TAF3: variants seen among roughly 807,000 people sequenced by gnomAD.
TAF3 encodes the protein TATA-box binding protein associated factor 3, also known as transcription initiation factor TFIID subunit 3.
Under a neutral mutation model 80.6 loss-of-function variants are expected in TAF3, and 7 were observed. The observed-to-expected ratio is 0.09, with a 90% CI of 0.05 to 0.16. The LOEUF (loss-of-function observed/expected upper bound fraction) is 0.16, where lower values mean the gene tolerates loss of function less well. Ranked by LOEUF, TAF3 falls within the 10% of genes least tolerant of loss-of-function variation. The pLI is 1.00. For synonymous variants in TAF3, 444 were observed against 446.1 expected (o/e 1.00, Z 0.06); for missense variants, 921 against 1,140.2 (o/e 0.81, Z 2.77).
At chr10:7,825,842 GT>G (rs35181779) in intron 2 of TAF3, among the ~76,000 whole-genome samples, 12 of 150,790 alleles carry the variant, frequency 8.0e-5, no homozygotes, top group African/African-American at 2.7e-4. Flanking sequence ...GCTTTCAGGT[GT>G]TTTTTTTTGG....
intron 2 of TAF3, among the ~76,000 whole-genome samples, chr10:7,829,721 C>G (rs1005128574): frequency 6.6e-6 from 1 of 152,136 alleles, no homozygotes; most frequent in Non-Finnish European, 1.5e-5. Context: ...TATCTGGTTT[C>G]TTCACAGTAA....
At chr10:7,893,249 G>A (rs937412560) in intron 2 of TAF3, among the ~76,000 whole-genome samples, 3 of 152,126 alleles carry the variant, frequency 2.0e-5, no homozygotes, top group African/African-American at 4.8e-5. Flanking sequence ...ATGATGTAAA[G>A]CCCTAGATTC....
chr10:7,993,962 G>T (rs1308728896), intron 4 of TAF3, among the ~76,000 whole-genome samples: 1 of 142,966 alleles, frequency 7.0e-6, no homozygotes, highest in Non-Finnish European at 1.5e-5. Flanking sequence ...CTCCAGTGAT[G>T]AGCATAGGGT....
intron 3 of TAF3, among the ~76,000 whole-genome samples, chr10:7,972,620 C>T (rs537702746): frequency 2.0e-5 from 3 of 152,312 alleles, no homozygotes; most frequent in African/African-American, 7.2e-5. Flanking sequence ...TACCTGTTGC[C>T]TTCCGGGCAC....
At chr10:7,894,272 G>C (rs1390353649) in intron 2 of TAF3, among the ~76,000 whole-genome samples, 1 of 152,116 alleles carries the variant, frequency 6.6e-6, no homozygotes, top group Admixed American at 6.5e-5. Flanking sequence ...CTGTCAGCAG[G>C]GACAGTCGGC....
intron 4 of TAF3, among the ~76,000 whole-genome samples, chr10:7,988,074 A>G (rs1288654698): frequency 6.6e-6 from 1 of 152,232 alleles, no homozygotes; most frequent in Non-Finnish European, 1.5e-5. Flanking sequence ...AATATTTATA[A>G]GTAACTTATG....
intron 2 of TAF3, among the ~76,000 whole-genome samples, chr10:7,921,026 C>A (rs1837757807): frequency 6.6e-6 from 1 of 152,024 alleles, no homozygotes; most frequent in Admixed American, 6.6e-5. Flanking sequence ...AAGTTGGAAT[C>A]CCTAGATAAT....
chr10:7,935,765 A>AG (rs201498517), intron 2 of TAF3, among the ~76,000 whole-genome samples: 1,666 of 152,272 alleles, frequency 0.011, 20 homozygotes, highest in Middle Eastern at 0.031. Context: ...AAAGAGAGGA[A>AG]GCGCAGATTC....
intron 2 of TAF3, among the ~76,000 whole-genome samples, chr10:7,903,670 G>T (rs1379383279): frequency 6.6e-6 from 1 of 152,206 alleles, no homozygotes; most frequent in Non-Finnish European, 1.5e-5. Context: ...ATAGAAGCAC[G>T]ATTTTCAGGA....
chr10:7,839,118 G>A (rs994190418), intron 2 of TAF3, among the ~76,000 whole-genome samples: 12 of 151,766 alleles, frequency 7.9e-5, no homozygotes, highest in South Asian at 2.1e-4. Flanking sequence ...TCGTTGCTTC[G>A]TGCTTTACCT....
At chr10:7,963,897 CT>C in intron 2 of TAF3, 22 bp from the exon 3 acceptor site, 3 of 1,497,882 alleles carry the variant, frequency 2.0e-6, no homozygotes, top group South Asian at 2.9e-5. Flanking sequence ...TTATTTTTTT[CT>C]TCCTTTTTCT....
chr10:7,913,795 G>C (rs1837679574), intron 2 of TAF3, among the ~76,000 whole-genome samples: 1 of 152,164 alleles, frequency 6.6e-6, no homozygotes, highest in African/African-American at 2.4e-5. Context: ...CCTATAAACT[G>C]TTCTTGCCAA....
chr10:7,827,577 C>T (rs541709063), intron 2 of TAF3, among the ~76,000 whole-genome samples: 5 of 151,918 alleles, frequency 3.3e-5, no homozygotes, highest in African/African-American at 1.2e-4. Flanking sequence ...GTCAGGAGAT[C>T]GAGACCATCC....
intron 4 of TAF3, among the ~76,000 whole-genome samples, chr10:8,002,629 C>G (rs1390104736): frequency 6.6e-6 from 1 of 152,066 alleles, no homozygotes; most frequent in Non-Finnish European, 1.5e-5. Flanking sequence ...TTTCATTGTT[C>G]AGTATATTTT....
chr10:7,984,732 A>G (rs1831760351), intron 4 of TAF3, among the ~76,000 whole-genome samples: 1 of 152,180 alleles, frequency 6.6e-6, no homozygotes, highest in Admixed American at 6.5e-5. Context: ...GAATATAGGA[A>G]AGTACTTAAG....
chr10:7,951,472 T>C (rs1024884660), intron 2 of TAF3, among the ~76,000 whole-genome samples: 2 of 152,218 alleles, frequency 1.3e-5, no homozygotes, highest in African/African-American at 4.8e-5. Context: ...GGCTCATTCC[T>C]GTGGCAGTGG....
chr10:7,855,704 G>A (rs1375649861), intron 2 of TAF3, among the ~76,000 whole-genome samples: 1 of 152,152 alleles, frequency 6.6e-6, no homozygotes, highest in Non-Finnish European at 1.5e-5. Context: ...CCAGACAAAG[G>A]AAGAAAACAT....
At chr10:7,984,119 C>A (rs1382302150) in intron 4 of TAF3, among the ~76,000 whole-genome samples, 1 of 152,012 alleles carries the variant, frequency 6.6e-6, no homozygotes, top group Non-Finnish European at 1.5e-5. Context: ...AGTCCCAAAC[C>A]CATAGATCTT....
intron 4 of TAF3, among the ~76,000 whole-genome samples, chr10:7,996,373 T>A (rs941714800): frequency 3.9e-5 from 6 of 152,176 alleles, no homozygotes; most frequent in African/African-American, 1.4e-4. Context: ...TTTTATGACC[T>A]ATCCTTGGAG....
Sources: gnomAD v4.1 joint callset for allele counts (sites outside exome capture counted in the v4.1 genomes callset) on GRCh38, gnomAD v4.1.1 for gene constraint, MANE v1.5 for transcripts, NCBI Gene and HGNC (gene_info 2026-07-23, HGNC 2026-07-21) for gene names.